Variants in PRKG1 observed in about 807,000 individuals in gnomAD.
The protein encoded by PRKG1 is protein kinase cGMP-dependent 1.
In PRKG1, 35 loss-of-function variants were observed where a neutral mutation model predicts 88.1. The ratio of observed to expected loss-of-function variants is 0.40; its 90% CI spans 0.30 to 0.53. The LOEUF is 0.53. Among genes scored for constraint, PRKG1 ranks in the 20% least tolerant of loss-of-function variants. PRKG1 has a pLI of 0.59. For synonymous variants in PRKG1, 303 were observed against 292.5 expected, an observed-to-expected ratio of 1.04 and a Z score of -0.37; for missense variants, 540 against 839.8, an observed-to-expected ratio of 0.64 and a Z score of 4.41.
intron 3 of PRKG1, among the ~76,000 whole-genome samples, chr10:51,480,484 C>T (rs1166314000): frequency 3.3e-5 from 5 of 151,842 alleles, no homozygotes; most frequent in South Asian, 2.1e-4. Context: ...TTCTCCATAC[C>T]GTTTTCAGAG....
chr10:51,959,700 G>A (rs1843398810), intron 5 of PRKG1, among the ~76,000 whole-genome samples: 2 of 152,086 alleles, frequency 1.3e-5, no homozygotes, highest in African/African-American at 2.4e-5. Flanking sequence ...GGTAAAATTT[G>A]TTGGGCTCAG....
At chr10:51,737,705 TTTTATTTATTTA>T (rs1009213697) in intron 3 of PRKG1, among the ~76,000 whole-genome samples, 5 of 144,886 alleles carry the variant, frequency 3.5e-5, no homozygotes, top group Non-Finnish European at 6.0e-5. Context: ...GACTCTATAT[TTTTATTTATTTA>T]TTTATTTATT....
At chr10:51,458,698 T>A (rs1348542) in intron 2 of PRKG1, among the ~76,000 whole-genome samples, 2 of 151,982 alleles carry the variant, frequency 1.3e-5, no homozygotes, top group African/African-American at 4.8e-5. Context: ...CTAAGAGCCA[T>A]GACAAAGCTA....
chr10:51,241,277 G>A (rs1192884014), intron 2 of PRKG1, among the ~76,000 whole-genome samples: 1 of 151,470 alleles, frequency 6.6e-6, no homozygotes, highest in Non-Finnish European at 1.5e-5. Flanking sequence ...GGCACAGGCA[G>A]CCTGTGGAGC....
chr10:51,188,226 G>A (rs1837543689), intron 2 of PRKG1, among the ~76,000 whole-genome samples: 1 of 151,980 alleles, frequency 6.6e-6, no homozygotes, highest in African/African-American at 2.4e-5. Flanking sequence ...AGTTATAACT[G>A]ACCTCAGCTA....
At position 51,423,928 on chromosome 10, in the gene PRKG1, A is replaced by G. The variant is rs191161136; in HGVS notation, c.479-43795A>G. Among the ~76,000 whole-genome samples the G allele has an allele frequency of 9.5e-4, 144 of 152,268 alleles. 1 individual carries two copies. Among genetic ancestry groups the G allele is most frequent in the Middle Eastern group, 3.4e-3 (1 of 294 alleles). ...GATCATCATATTAAATTATACTACC[A>G]TATTATGTTTGCTACATTTGGAGCT... On this transcript the variant is annotated intron_variant, in intron 2 of 17. Transcript: ENST00000373980.
chr10:51,212,897 G>A (rs1293371291), intron 2 of PRKG1, among the ~76,000 whole-genome samples: 1 of 152,232 alleles, frequency 6.6e-6, no homozygotes, highest in African/African-American at 2.4e-5. Flanking sequence ...CATTGTGGAA[G>A]TCAGTGTGGC....
intron 5 of PRKG1, among the ~76,000 whole-genome samples, chr10:52,002,252 C>G (rs1463946722): frequency 6.6e-6 from 1 of 152,040 alleles, no homozygotes; most frequent in Non-Finnish European, 1.5e-5. Flanking sequence ...TTTGCAAATT[C>G]TGTTTATTAT....
At chr10:51,904,571 G>A (rs1311520910) in intron 4 of PRKG1, among the ~76,000 whole-genome samples, 2 of 152,056 alleles carry the variant, frequency 1.3e-5, no homozygotes, top group African/African-American at 2.4e-5. Context: ...TCTTAGAATT[G>A]TAAAGATGGC....
chr10:51,291,397 C>A (rs1204484474), intron 2 of PRKG1, among the ~76,000 whole-genome samples: 1 of 152,052 alleles, frequency 6.6e-6, no homozygotes. Context: ...CTTCTTTTCT[C>A]ATTTATCTCA....
intron 9 of PRKG1, among the ~76,000 whole-genome samples, chr10:52,234,636 G>A (rs1303020964): frequency 1.5e-5 from 2 of 129,300 alleles, no homozygotes; most frequent in African/African-American, 3.2e-5. Context: ...AAATAAATGA[G>A]CAAAGCCTCC....
intron 4 of PRKG1, among the ~76,000 whole-genome samples, chr10:51,878,744 C>G (rs189170785): frequency 5.9e-5 from 9 of 152,262 alleles, no homozygotes; most frequent in African/African-American, 1.9e-4. Context: ...TCCTTTCTTC[C>G]CATACTGACT....
intron 3 of PRKG1, among the ~76,000 whole-genome samples, chr10:51,516,793 C>T (rs1841598512): frequency 1.3e-5 from 2 of 152,086 alleles, no homozygotes; most frequent in African/African-American, 2.4e-5. Context: ...AGCTCAGTGC[C>T]CTTCCAAGCA....
chr10:51,625,735 AAG>A (rs1158338064), intron 3 of PRKG1, among the ~76,000 whole-genome samples: 11 of 152,112 alleles, frequency 7.2e-5, no homozygotes, highest in African/African-American at 2.7e-4. Flanking sequence ...AAAAAAAAAA[AAG>A]AATATATGAA....
chr10:51,999,210 G>C (rs1267401364), intron 5 of PRKG1, among the ~76,000 whole-genome samples: 1 of 152,176 alleles, frequency 6.6e-6, no homozygotes, highest in East Asian at 1.9e-4. Flanking sequence ...TATGAATACA[G>C]CTTACTACCC....
intron 2 of PRKG1, among the ~76,000 whole-genome samples, chr10:51,211,507 G>A (rs533777028): frequency 1.3e-5 from 2 of 152,234 alleles, no homozygotes; most frequent in African/African-American, 4.8e-5. Context: ...ATTCAATTAG[G>A]AAAAGAGGAA....
intron 2 of PRKG1, among the ~76,000 whole-genome samples, chr10:51,398,664 T>A (rs1004250595): frequency 1.3e-5 from 2 of 152,210 alleles, no homozygotes; most frequent in African/African-American, 4.8e-5. Flanking sequence ...CCCAGATATT[T>A]GACTATACAT....
intron 3 of PRKG1, among the ~76,000 whole-genome samples, chr10:51,504,835 T>G (rs998822861): frequency 6.6e-6 from 1 of 152,206 alleles, no homozygotes; most frequent in African/African-American, 2.4e-5. Context: ...TCCTGAGACT[T>G]TGCTGAAGTT....
intron 2 of PRKG1, among the ~76,000 whole-genome samples, chr10:51,304,035 T>C (rs1840966644): frequency 1.3e-5 from 2 of 151,866 alleles, no homozygotes; most frequent in South Asian, 4.2e-4. Context: ...GGCCAGGCTG[T>C]TCTTGAACTC....
Sources: allele counts gnomAD v4.1 joint callset (sites outside exome capture counted in the v4.1 genomes callset), GRCh38; gene constraint gnomAD v4.1.1; transcripts MANE v1.5; gene names NCBI Gene and HGNC (gene_info 2026-07-23, HGNC 2026-07-21).